The following SPOCK1 variants were observed in gnomAD, a reference collection of about 807,000 sequenced individuals.
SPOCK1 encodes SPARC (osteonectin), cwcv and kazal like domains proteoglycan 1, also known as testican-1.
Under a neutral mutation model 55.3 loss-of-function variants are expected in SPOCK1, and 23 were observed. The observed-to-expected ratio is 0.42, with a 90% CI of 0.30 to 0.59. The LOEUF (loss-of-function observed/expected upper bound fraction) is 0.59, where lower values mean the gene tolerates loss of function less well. SPOCK1 is among the 20% of genes least tolerant of loss of function. The probability of loss-of-function intolerance (pLI) is 0.22; values close to 1 mark genes in which losing one functional copy is unlikely to be tolerated. For synonymous variants in SPOCK1, 226 were observed against 221.0 expected (o/e 1.02, Z -0.20); for missense variants, 499 against 552.5 (o/e 0.90, Z 0.97).
chr5:137,279,088 T>C (rs1757124925), intron 2 of SPOCK1, among the ~76,000 whole-genome samples: 1 of 151,894 alleles, frequency 6.6e-6, no homozygotes, highest in Non-Finnish European at 1.5e-5. Context: ...CGATGACACA[T>C]CCAGATCTAA....
intron 5 of SPOCK1, 66 bp downstream of exon 5, chr5:137,112,369 T>G: frequency 6.4e-7 from 1 of 1,570,568 alleles, no homozygotes; most frequent in East Asian, 2.3e-5. Context: ...AGTTTTGGCA[T>G]AGAGAAGTGT....
intron 3 of SPOCK1, among the ~76,000 whole-genome samples, chr5:137,246,555 G>A (rs775916472): frequency 6.6e-6 from 1 of 152,116 alleles, no homozygotes; most frequent in African/African-American, 2.4e-5. Flanking sequence ...AGCTTCCACT[G>A]CCATCTCCAC....
At chr5:137,169,492 A>G (rs996001226) in intron 3 of SPOCK1, among the ~76,000 whole-genome samples, 1 of 141,088 alleles carries the variant, frequency 7.1e-6, no homozygotes, top group South Asian at 2.4e-4. Context: ...AATTAATTTT[A>G]AGAAATTTCA....
At chr5:137,395,784 C>T (rs1262852410) in intron 2 of SPOCK1, among the ~76,000 whole-genome samples, 1 of 152,158 alleles carries the variant, frequency 6.6e-6, no homozygotes, top group Non-Finnish European at 1.5e-5. Context: ...GAGGTAAGCT[C>T]AGCGGGCCAA....
chr5:137,125,795 G>C (rs1753773167), intron 4 of SPOCK1, among the ~76,000 whole-genome samples: 1 of 152,196 alleles, frequency 6.6e-6, no homozygotes. Flanking sequence ...AAATGTAAAA[G>C]CAGCTTTGAA....
chr5:137,238,072 C>T lies in SPOCK1; in HGVS notation c.232+28938G>A, dbSNP rs147717208. 1.4e-3 allele frequency among the ~76,000 whole-genome samples: 207 copies of T among 152,258 alleles called. 2 individuals are homozygous for T. Among genetic ancestry groups the T allele is most frequent in the East Asian group, 8.7e-3 (45 of 5,184 alleles). Reference sequence around the variant, plus strand: ...TGTGATCTTGGGCAAGACTGGTTCACCTCTTCAAAATAAGCTTTCTCTTCT... The same window carrying T: ...TGTGATCTTGGGCAAGACTGGTTCATCTCTTCAAAATAAGCTTTCTCTTCT... On this transcript the variant is annotated intron_variant, in intron 3 of 10. Coordinates refer to ENST00000394945, the MANE Select transcript of SPOCK1 (RefSeq NM_004598.4).
At chr5:137,222,962 A>C (rs1431883600) in intron 3 of SPOCK1, among the ~76,000 whole-genome samples, 1 of 152,150 alleles carries the variant, frequency 6.6e-6, no homozygotes, top group Non-Finnish European at 1.5e-5. Context: ...AGAGGCAATT[A>C]GGAAAAAAAA....
intron 2 of SPOCK1, among the ~76,000 whole-genome samples, chr5:137,396,893 T>C (rs1751860292): frequency 6.6e-6 from 1 of 152,156 alleles, no homozygotes; most frequent in Admixed American, 6.5e-5. Context: ...TCTATCCCCC[T>C]TAAAAAATAT....
In SPOCK1 at chr5:137,258,811, G is replaced by A. The variant is rs143819511; in HGVS notation, c.232+8199C>T. On this transcript the variant is annotated intron_variant, in intron 3 of 10. Transcript: ENST00000394945. The stretch of plus-strand genomic sequence containing the variant: ...TAGAAAGCTGCAGTGCCCCATAATT[G>A]TAGGGAGAATTTTACCACCCTTCAT... Among the ~76,000 whole-genome samples the A allele has an allele frequency of 6.6e-5, 10 of 152,280 alleles. No individual in the cohort carries two copies. The East Asian group carries it at 1.5e-3, about 24-fold the overall frequency.
chr5:137,343,931 C>G (rs770413699), intron 2 of SPOCK1, among the ~76,000 whole-genome samples: 2 of 152,200 alleles, frequency 1.3e-5, no homozygotes, highest in South Asian at 2.1e-4. Flanking sequence ...AGCTCCCCAT[C>G]ATAGAACAGG....
intron 5 of SPOCK1, among the ~76,000 whole-genome samples, chr5:137,079,306 A>G (rs1038132546): frequency 1.3e-4 from 20 of 152,252 alleles, no homozygotes; most frequent in African/African-American, 4.6e-4. Flanking sequence ...AATGTTGGAC[A>G]GCTATATAGA....
chr5:137,334,709 A>G (rs1443453444), intron 2 of SPOCK1, among the ~76,000 whole-genome samples: 1 of 152,196 alleles, frequency 6.6e-6, no homozygotes, highest in Non-Finnish European at 1.5e-5. Context: ...GCTGACACAG[A>G]TGCCTCATTT....
At chr5:137,116,495 A>G (rs1753582784) in intron 4 of SPOCK1, among the ~76,000 whole-genome samples, 1 of 151,868 alleles carries the variant, frequency 6.6e-6, no homozygotes, top group African/African-American at 2.4e-5. Flanking sequence ...AAATACAAAA[A>G]ATTAGCTGGC....
chr5:136,997,531 C>T (rs1368585192), intron 6 of SPOCK1, among the ~76,000 whole-genome samples: 2 of 152,170 alleles, frequency 1.3e-5, no homozygotes, highest in East Asian at 1.9e-4. Flanking sequence ...AGTCTAAACT[C>T]CATAATGTGA....
At chr5:137,106,685 G>T (rs533788472) in intron 5 of SPOCK1, among the ~76,000 whole-genome samples, 1 of 152,236 alleles carries the variant, frequency 6.6e-6, no homozygotes, top group African/African-American at 2.4e-5. Flanking sequence ...GCTTCTCACA[G>T]TCACCCTGCC....
intron 2 of SPOCK1, among the ~76,000 whole-genome samples, chr5:137,290,553 G>A (rs1757354178): frequency 6.6e-6 from 1 of 152,186 alleles, no homozygotes; most frequent in South Asian, 2.1e-4. Context: ...ACATGGGTGT[G>A]CTCACTTTGT....
intron 6 of SPOCK1, among the ~76,000 whole-genome samples, chr5:137,057,186 A>G (rs368160601): frequency 7.2e-5 from 11 of 152,204 alleles, no homozygotes; most frequent in African/African-American, 2.6e-4. Flanking sequence ...TTCTCTTGCC[A>G]TAGAGCGCTG....
At chr5:137,223,001 GA>G (rs1025811585) in intron 3 of SPOCK1, among the ~76,000 whole-genome samples, 5 of 151,632 alleles carry the variant, frequency 3.3e-5, no homozygotes, top group Non-Finnish European at 7.4e-5. Context: ...AAGTGATAAT[GA>G]AAAAAACTGT....
intron 3 of SPOCK1, among the ~76,000 whole-genome samples, chr5:137,155,548 A>G (rs1754400202): frequency 6.6e-6 from 1 of 152,222 alleles, no homozygotes; most frequent in Non-Finnish European, 1.5e-5. Flanking sequence ...AGCAGAAAGG[A>G]GATGAAATAC....
Sources: gnomAD v4.1 joint callset for allele counts (sites outside exome capture counted in the v4.1 genomes callset) on GRCh38, gnomAD v4.1.1 for gene constraint, MANE v1.5 for transcripts, NCBI Gene and HGNC (gene_info 2026-07-23, HGNC 2026-07-21) for gene names.